Variants in DSCAM observed in about 807,000 individuals in gnomAD.
DSCAM encodes the protein cell adhesion molecule DSCAM.
DSCAM carries 47 observed loss-of-function variants against 217.7 expected under a neutral mutation model. That is an observed-to-expected ratio of 0.22 (90% CI 0.17 to 0.28). The LOEUF (loss-of-function observed/expected upper bound fraction) is 0.28. Among genes scored for constraint, DSCAM ranks in the 10% least tolerant of loss-of-function variants. The pLI, the probability that DSCAM is intolerant of heterozygous loss-of-function variation, is 1.00. For synonymous variants in DSCAM, 1,056 were observed against 1,015.3 expected, an observed-to-expected ratio of 1.04 and a Z score of -0.76; for missense variants, 2,080 against 2,618.3, an observed-to-expected ratio of 0.79 and a Z score of 4.49.
intron 3 of DSCAM, among the ~76,000 whole-genome samples, chr21:40,407,076 T>G (rs939318748): frequency 6.6e-6 from 1 of 152,162 alleles, no homozygotes; most frequent in Non-Finnish European, 1.5e-5. Context: ...TTGTACAACA[T>G]AGCAACTATA....
intron 3 of DSCAM, among the ~76,000 whole-genome samples, chr21:40,465,198 A>G (rs1908515686): frequency 6.6e-6 from 1 of 152,004 alleles, no homozygotes; most frequent in South Asian, 2.1e-4. Flanking sequence ...ATCCTTTCTC[A>G]TCAATCTATC....
chr21:40,681,953 C>T (rs2090405481), intron 3 of DSCAM, among the ~76,000 whole-genome samples: 1 of 152,166 alleles, frequency 6.6e-6, no homozygotes, highest in South Asian at 2.1e-4. Flanking sequence ...CTGACAGAGA[C>T]CCTCCCCGCA....
rs548710582 is a variant in DSCAM, at chr21:40,784,774, A to G, written c.43+61845T>C. ...ACAGGGAGGAGATGACCATCTACGAACCAGGAAGCAGGCCCTAACCAGATG... is the reference window on the plus strand; with the variant it reads ...ACAGGGAGGAGATGACCATCTACGAGCCAGGAAGCAGGCCCTAACCAGATG... On this transcript the variant is annotated intron_variant, in intron 1 of 32. Coordinates refer to ENST00000400454, the MANE Select transcript of DSCAM (RefSeq NM_001389.5). Among the ~76,000 whole-genome samples, 14 of 152,318 alleles carry G rather than the reference A, an allele frequency of 9.2e-5. No individual in the cohort carries two copies. In the South Asian group the frequency reaches 2.9e-3, roughly 32 times the overall value.
intron 3 of DSCAM, among the ~76,000 whole-genome samples, chr21:40,498,904 A>G (rs2076150749): frequency 6.7e-6 from 1 of 149,910 alleles, no homozygotes; most frequent in African/African-American, 2.4e-5. Context: ...CTCAAATAGA[A>G]TTTTAGAATC....
At chr21:40,586,221 T>C (rs915325579) in intron 3 of DSCAM, among the ~76,000 whole-genome samples, 5 of 152,214 alleles carry the variant, frequency 3.3e-5, no homozygotes, top group Non-Finnish European at 7.3e-5. Flanking sequence ...TGCCTTCCAC[T>C]GTGAACAGAA....
intron 2 of DSCAM, among the ~76,000 whole-genome samples, chr21:40,701,567 A>T (rs934099021): frequency 6.6e-6 from 1 of 152,050 alleles, no homozygotes; most frequent in African/African-American, 2.4e-5. Flanking sequence ...AGAGCAATAA[A>T]ATCTCCCTAT....
chr21:40,649,885 GGAGA>G (rs759520069), intron 3 of DSCAM, among the ~76,000 whole-genome samples: 2 of 151,978 alleles, frequency 1.3e-5, no homozygotes, highest in African/African-American at 4.8e-5. Flanking sequence ...AAGGAAACTT[GGAGA>G]GAGAGAGAGA....
intron 1 of DSCAM, among the ~76,000 whole-genome samples, chr21:40,801,996 G>A (rs956494115): frequency 1.3e-5 from 2 of 152,178 alleles, no homozygotes; most frequent in Admixed American, 6.5e-5. Context: ...GAGCCATAGA[G>A]GCAGGACCTC....
At chr21:40,365,654 A>T (rs577610154) in intron 4 of DSCAM, among the ~76,000 whole-genome samples, 9 of 152,276 alleles carry the variant, frequency 5.9e-5, no homozygotes, top group Admixed American at 3.9e-4. Flanking sequence ...CTAACCTTTC[A>T]GAAGAGTTGC....
At chr21:40,450,634 T>C (rs906306668) in intron 3 of DSCAM, among the ~76,000 whole-genome samples, 1 of 152,214 alleles carries the variant, frequency 6.6e-6, no homozygotes, top group African/African-American at 2.4e-5. Context: ...CTTGCAAATG[T>C]TTGAGATTTT....
intron 3 of DSCAM, among the ~76,000 whole-genome samples, chr21:40,403,080 G>T (rs1447422861): frequency 6.6e-6 from 1 of 151,948 alleles, no homozygotes; most frequent in African/African-American, 2.4e-5. Context: ...TGCCAACCTT[G>T]TATCATTTCT....
chr21:40,834,484 T>C (rs2092041119), intron 1 of DSCAM, among the ~76,000 whole-genome samples: 1 of 150,504 alleles, frequency 6.6e-6, no homozygotes, highest in Non-Finnish European at 1.5e-5. Flanking sequence ...CCCAGTTCCA[T>C]GGATTTACCT....
At chr21:40,176,915 T>C (rs1601411446) in intron 15 of DSCAM, among the ~76,000 whole-genome samples, 1 of 152,120 alleles carries the variant, frequency 6.6e-6, no homozygotes, top group Non-Finnish European at 1.5e-5. Context: ...GCAGCAGAGG[T>C]CACAGAGGAA....
intron 3 of DSCAM, among the ~76,000 whole-genome samples, chr21:40,666,284 T>C (rs1184399207): frequency 6.6e-6 from 1 of 152,048 alleles, no homozygotes; most frequent in Non-Finnish European, 1.5e-5. Context: ...CTGAGATGAG[T>C]GTTTTCTATG....
chr21:40,229,481 T>C (rs2091361791), intron 11 of DSCAM, among the ~76,000 whole-genome samples: 1 of 152,214 alleles, frequency 6.6e-6, no homozygotes. Context: ...CTCAACTCCC[T>C]AAAAATGTCC....
At chr21:40,150,045 C>G (rs777222598) in intron 16 of DSCAM, among the ~76,000 whole-genome samples, 2 of 152,344 alleles carry the variant, frequency 1.3e-5, no homozygotes, top group Non-Finnish European at 2.9e-5. Flanking sequence ...TTATTGAACA[C>G]TGTTTTTTCC....
chr21:40,204,082 A>T (rs577489851), intron 11 of DSCAM, among the ~76,000 whole-genome samples: 1 of 152,316 alleles, frequency 6.6e-6, no homozygotes, highest in East Asian at 1.9e-4. Flanking sequence ...AACTTTTGTT[A>T]ACTTGTTTTG....
intron 3 of DSCAM, among the ~76,000 whole-genome samples, chr21:40,417,000 T>G (rs1013678406): frequency 1.3e-5 from 2 of 152,180 alleles, no homozygotes; most frequent in Non-Finnish European, 2.9e-5. Context: ...CTCCTTCAAA[T>G]TTTGTCATCT....
intron 3 of DSCAM, among the ~76,000 whole-genome samples, chr21:40,515,521 C>G (rs2146072833): frequency 6.6e-6 from 1 of 152,236 alleles, no homozygotes; most frequent in African/African-American, 2.4e-5. Context: ...TTTATACAAC[C>G]ACGGAACGGT....
Sources: allele counts gnomAD v4.1 joint callset (sites outside exome capture counted in the v4.1 genomes callset), GRCh38; gene constraint gnomAD v4.1.1; transcripts MANE v1.5; gene names NCBI Gene and HGNC (gene_info 2026-07-23, HGNC 2026-07-21).